AUTS2: variants seen among roughly 807,000 people sequenced by gnomAD.
The protein encoded by AUTS2 is activator of transcription and developmental regulator AUTS2.
A neutral mutation model predicts 112.4 loss-of-function variants in AUTS2; 17 were observed. The ratio of observed to expected loss-of-function variants is 0.15; its 90% CI spans 0.10 to 0.23. The LOEUF (loss-of-function observed/expected upper bound fraction) is 0.23. AUTS2 is among the 10% of genes least tolerant of loss of function. AUTS2 has a pLI of 1.00. For missense variants in AUTS2, 1,510 were observed against 1,701.6 expected (o/e 0.89, Z 1.98); for synonymous variants, 751 against 702.7 (o/e 1.07, Z -1.09).
intron 1 of AUTS2, among the ~76,000 whole-genome samples, chr7:69,695,160 A>G (rs1797502049): frequency 6.6e-6 from 1 of 151,812 alleles, no homozygotes; most frequent in Admixed American, 6.6e-5. Context: ...CCATTTCTAC[A>G]AAAAAAGAAA....
intron 5 of AUTS2, among the ~76,000 whole-genome samples, chr7:70,546,795 A>T (rs915058349): frequency 6.6e-6 from 1 of 151,924 alleles, no homozygotes; most frequent in African/African-American, 2.4e-5. Context: ...AAAGAAAAAA[A>T]AAAAATCATT....
intron 1 of AUTS2, among the ~76,000 whole-genome samples, chr7:69,830,609 C>T (rs1791457787): frequency 6.6e-6 from 1 of 152,104 alleles, no homozygotes; most frequent in Non-Finnish European, 1.5e-5. Context: ...CCTGGAAGTA[C>T]CTTGGATTTC....
At chr7:70,212,470 A>G (rs1397972656) in intron 4 of AUTS2, among the ~76,000 whole-genome samples, 1 of 152,198 alleles carries the variant, frequency 6.6e-6, no homozygotes, top group Non-Finnish European at 1.5e-5. Context: ...CCTAGCTCAG[A>G]CAACATATGG....
intron 1 of AUTS2, among the ~76,000 whole-genome samples, chr7:69,609,939 G>A (rs1206043535): frequency 1.3e-5 from 2 of 152,228 alleles, no homozygotes; most frequent in African/African-American, 4.8e-5. Context: ...TGAATTAAAT[G>A]TAAACCATAA....
At chr7:70,731,701 T>C (rs1304875290) in intron 6 of AUTS2, among the ~76,000 whole-genome samples, 1 of 151,856 alleles carries the variant, frequency 6.6e-6, no homozygotes, top group East Asian at 1.9e-4. Flanking sequence ...AGTGCTGGGA[T>C]TACAGGCATG....
At chr7:70,401,057 A>G (rs1171898051) in intron 4 of AUTS2, among the ~76,000 whole-genome samples, 1 of 152,142 alleles carries the variant, frequency 6.6e-6, no homozygotes, top group African/African-American at 2.4e-5. Flanking sequence ...AGAATCAGAT[A>G]TGGGAGGTAT....
intron 5 of AUTS2, among the ~76,000 whole-genome samples, chr7:70,450,275 A>G (rs1433522171): frequency 2.0e-5 from 3 of 152,228 alleles, no homozygotes; most frequent in African/African-American, 7.2e-5. Context: ...TGAGGTACCT[A>G]GATGAATTAC....
intron 4 of AUTS2, among the ~76,000 whole-genome samples, chr7:70,157,091 A>AT (rs1052433809): frequency 3.3e-5 from 5 of 151,590 alleles, no homozygotes; most frequent in African/African-American, 1.2e-4. Context: ...CAAAAAAAAA[A>AT]GCAAGTGAAA....
chr7:70,787,878 T>C (rs749769421), intron 18 of AUTS2, among the ~76,000 whole-genome samples: 13 of 152,250 alleles, frequency 8.5e-5, no homozygotes, highest in Non-Finnish European at 1.5e-4. Context: ...CATTGCCTCA[T>C]CATATTTTTC....
chr7:70,658,350 C>T (rs1369362330), intron 5 of AUTS2, among the ~76,000 whole-genome samples: 2 of 152,226 alleles, frequency 1.3e-5, no homozygotes, highest in African/African-American at 4.8e-5. Flanking sequence ...ACCACACTTG[C>T]ACATGCCTCA....
intron 1 of AUTS2, among the ~76,000 whole-genome samples, chr7:69,727,735 G>C (rs1210547872): frequency 6.6e-6 from 1 of 152,120 alleles, no homozygotes; most frequent in African/African-American, 2.4e-5. Context: ...TAGCTTTATA[G>C]TAAGTCTTGA....
intron 1 of AUTS2, among the ~76,000 whole-genome samples, chr7:69,888,311 C>T (rs773204942): frequency 5.3e-5 from 8 of 151,198 alleles, no homozygotes; most frequent in Non-Finnish European, 1.0e-4. Flanking sequence ...TCATGATGGA[C>T]GGCAAAGGGG....
intron 2 of AUTS2, among the ~76,000 whole-genome samples, chr7:70,003,278 AAT>A (rs72324826): frequency 0.075 from 9,604 of 127,988 alleles, 580 homozygotes; most frequent in African/African-American, 0.13. Context: ...TATATATGTG[AAT>A]ATATATATTA....
chr7:70,773,970 G>C (rs1297063495), intron 11 of AUTS2, 58 bp from the exon 12 acceptor site: 21 of 1,506,340 alleles, frequency 1.4e-5, no homozygotes, highest in South Asian at 7.9e-5. Context: ...GAAGGATCTT[G>C]CTTTCATGTC....
chr7:70,427,362 G>A (rs577776937), intron 4 of AUTS2, among the ~76,000 whole-genome samples: 10 of 152,236 alleles, frequency 6.6e-5, no homozygotes, highest in African/African-American at 1.9e-4. Flanking sequence ...TGAGGTTTGT[G>A]GACTCTGGGT....
At chr7:70,494,285 AT>A (rs565137296) in intron 5 of AUTS2, among the ~76,000 whole-genome samples, 23 of 150,178 alleles carry the variant, frequency 1.5e-4, no homozygotes, top group Admixed American at 2.0e-4. Context: ...AGGCTTGGGT[AT>A]TTTTTTTTTC....
At chr7:70,477,511 C>T (rs995057382) in intron 5 of AUTS2, among the ~76,000 whole-genome samples, 2 of 152,130 alleles carry the variant, frequency 1.3e-5, no homozygotes, top group Non-Finnish European at 2.9e-5. Flanking sequence ...TGGAACCTGG[C>T]CAGAGGCTGT....
At chr7:70,236,875 A>G (rs1214480377) in intron 4 of AUTS2, among the ~76,000 whole-genome samples, 1 of 152,172 alleles carries the variant, frequency 6.6e-6, no homozygotes, top group Non-Finnish European at 1.5e-5. Flanking sequence ...GCCAGCATGC[A>G]TGGGAGAGGG....
At chr7:70,705,469 T>C (rs900977304) in intron 6 of AUTS2, among the ~76,000 whole-genome samples, 5 of 152,248 alleles carry the variant, frequency 3.3e-5, no homozygotes, top group Admixed American at 3.3e-4. Flanking sequence ...AGCTGTCTTT[T>C]ATTTAGCCCG....
Sources: gnomAD v4.1 joint callset for allele counts (sites outside exome capture counted in the v4.1 genomes callset) on GRCh38, gnomAD v4.1.1 for gene constraint, MANE v1.5 for transcripts, NCBI Gene and HGNC (gene_info 2026-07-23, HGNC 2026-07-21) for gene names.